ATXN10: variants seen among roughly 807,000 people sequenced by gnomAD.
ATXN10 encodes the protein ataxin 10.
ATXN10 carries 28 observed loss-of-function variants against 52.9 expected under a neutral mutation model. The ratio of observed to expected loss-of-function variants is 0.53; its 90% CI spans 0.39 to 0.73. The LOEUF (loss-of-function observed/expected upper bound fraction) is 0.73, where lower values mean the gene tolerates loss of function less well. ATXN10 is among the 30% of genes least tolerant of loss of function. The pLI, the probability that ATXN10 is intolerant of heterozygous loss-of-function variation, is 0.00. For missense variants in ATXN10, 565 were observed against 577.0 expected (o/e 0.98, Z 0.21); for synonymous variants, 226 against 221.5 (o/e 1.02, Z -0.18).
chr22:45,791,883 G>A lies in ATXN10; in HGVS notation c.1174-15076G>A, dbSNP rs375378508. On this transcript the variant is annotated intron_variant, in intron 9 of 11. Transcript: ENST00000252934. ...ATGTTCTGTTTCTTGAAAATTGGGT[G>A]GAACTCGCTTGAGAGCTATTTGCGT... is the stretch of plus-strand genomic sequence containing the variant. 7.2e-5 allele frequency among the ~76,000 whole-genome samples: 11 copies of A among 152,236 alleles called. No homozygotes were observed. In the South Asian group the frequency reaches 1.9e-3, roughly 26 times the overall value.
chr22:45,758,010 C>T (rs140071610), intron 9 of ATXN10, among the ~76,000 whole-genome samples: 83 of 152,322 alleles, frequency 5.4e-4, no homozygotes, highest in Admixed American at 3.9e-3. Flanking sequence ...AAATTTGATG[C>T]TTCCAAAGTA....
In ATXN10 at chr22:45,840,581, C is replaced by G. The variant is rs982365414; in HGVS notation, c.1238-2410C>G. 6.6e-6 allele frequency among the ~76,000 whole-genome samples: 1 copy of G among 152,178 alleles called. No homozygotes were observed. Among genetic ancestry groups the G allele is most frequent in the African/African-American group, 2.4e-5 (1 of 41,438 alleles). ...GTCAGAGGCTGAGAGATGAGGGCGC[C>G]TGGCAGGAGAGGTGGGTAGGGGCCG... is the stretch of plus-strand genomic sequence containing the variant. On this transcript the variant is annotated intron_variant, in intron 10 of 11. Transcript: ENST00000252934. This position sits in a 1 kb window ranked among gnomAD's most constrained non-coding sequence, Gnocchi z 5.8.
rs1047114327 is a variant in ATXN10, at chr22:45,689,839, A to G, written c.244A>G (p.Thr82Ala). ...ENLASSLQLI[T>A]ECFRCLRNAC... Reference sequence around the variant, plus strand: ...CCTGGCTTCCAGTCTGCAGTTAATAACAGAATGCTTCAGGTGTCTTCGCAA... The same window carrying G: ...CCTGGCTTCCAGTCTGCAGTTAATAGCAGAATGCTTCAGGTGTCTTCGCAA... The change falls in exon 2 of 12, where the codon ACA becomes GCA. Residue 82 changes from threonine (T) to alanine (A), a missense_variant. Thr to Ala is a moderately conservative substitution (Grantham distance 58, BLOSUM62 0). Coordinates refer to ENST00000252934, the MANE Select transcript of ATXN10 (RefSeq NM_013236.4). 15 of 1,614,108 alleles carry G rather than the reference A, an allele frequency of 9.3e-6. No homozygotes were observed. In the Admixed American group the frequency reaches 1.0e-4, roughly 11 times the overall value.
intron 9 of ATXN10, among the ~76,000 whole-genome samples, chr22:45,751,769 T>TAAA: frequency 9.5e-6 from 1 of 105,338 alleles, no homozygotes; most frequent in Non-Finnish European, 1.9e-5. Flanking sequence ...AAAAAAATAA[T>TAAA]AATAATAATA....
At position 45,712,067 on chromosome 22, in the gene ATXN10, G is replaced by C. The variant is rs1254961107; in HGVS notation, c.648-6346G>C. ...GAGAAGTTTGGGAATTAGAAACAAA[G>C]AGGTAATAACCAGATGGATGTTTTT... On this transcript the variant is annotated intron_variant, in intron 5 of 11. Transcript: ENST00000252934. The surrounding 1 kb of genome is among the most constrained non-coding windows in gnomAD (Gnocchi z 4.6). Among the ~76,000 whole-genome samples, 2 of 152,186 alleles carry C rather than the reference G, an allele frequency of 1.3e-5. No individual in the cohort carries two copies. Among genetic ancestry groups the C allele is most frequent in the African/African-American group, 2.4e-5 (1 of 41,448 alleles).
chr22:45,710,872 CT>C (rs1160121952), intron 5 of ATXN10, among the ~76,000 whole-genome samples: 14 of 152,110 alleles, frequency 9.2e-5, no homozygotes, highest in Non-Finnish European at 2.1e-4. Flanking sequence ...TTGAATAAGT[CT>C]GGTGATTGGT....
In ATXN10 at chr22:45,835,491, A is replaced by T. The variant is rs557363025; in HGVS notation, c.1238-7500A>T. ...TCCCTTTGCAATTTATGGAAAGTAC[A>T]TTGTGCCAAGCAAGGACAGTGAATG... On this transcript the variant is annotated intron_variant, in intron 10 of 11. Coordinates refer to ENST00000252934, the MANE Select transcript of ATXN10 (RefSeq NM_013236.4). The surrounding 1 kb of genome is among the most constrained non-coding windows in gnomAD (Gnocchi z 5.0). 6.6e-6 allele frequency among the ~76,000 whole-genome samples: 1 copy of T among 152,204 alleles called. No individual in the cohort carries two copies. The highest frequency in any genetic ancestry group is 2.1e-4 in the South Asian group (1 of 4,826).
chr22:45,787,105 G>A lies in ATXN10; in HGVS notation c.1174-19854G>A, dbSNP rs1305161769. Among the ~76,000 whole-genome samples the A allele has an allele frequency of 6.6e-6, 1 of 152,154 alleles. No homozygotes were observed. The highest frequency in any genetic ancestry group is 1.5e-5 in the Non-Finnish European group (1 of 68,034). Reference sequence around the variant, plus strand: ...ATTTTCAAATAATTTTTATTGTATGGAAAGATCTAAAATACTGTATATATA... The same window carrying A: ...ATTTTCAAATAATTTTTATTGTATGAAAAGATCTAAAATACTGTATATATA... On this transcript the variant is annotated intron_variant, in intron 9 of 11. Coordinates refer to ENST00000252934, the MANE Select transcript of ATXN10 (RefSeq NM_013236.4). This position sits in a 1 kb window ranked among gnomAD's most constrained non-coding sequence, Gnocchi z 4.2.
In ATXN10 at chr22:45,828,024, A is replaced by T. The variant is rs1339640730; in HGVS notation, c.1238-14967A>T. On this transcript the variant is annotated intron_variant, in intron 10 of 11. Coordinates refer to ENST00000252934, the MANE Select transcript of ATXN10 (RefSeq NM_013236.4). The surrounding 1 kb of genome is among the most constrained non-coding windows in gnomAD (Gnocchi z 4.5). ...TAAAAAACATACTGTTAACCAGTAG[A>T]TCAAAGAAGAAATCACAAGGGAAAT... is the stretch of plus-strand genomic sequence containing the variant. Among the ~76,000 whole-genome samples the T allele has an allele frequency of 6.6e-6, 1 of 152,202 alleles. No individual in the cohort carries two copies. The highest frequency in any genetic ancestry group is 6.5e-5 in the Admixed American group (1 of 15,280).
At chr22:45,817,517 G>A (rs1928505830) in intron 10 of ATXN10, among the ~76,000 whole-genome samples, 1 of 151,928 alleles carries the variant, frequency 6.6e-6, no homozygotes, top group Admixed American at 6.5e-5. Context: ...TAGAGACGGG[G>A]TTTCACCACG....
At position 45,738,555 on chromosome 22, in the gene ATXN10, G is replaced by A. The variant is rs377584939; in HGVS notation, c.895-176G>A. Reference sequence around the variant, plus strand: ...CTGCTGTTAGTGAAAATGATGAGTCGTGTACATATTTCATACTTCTGTTTT... The same window carrying A: ...CTGCTGTTAGTGAAAATGATGAGTCATGTACATATTTCATACTTCTGTTTT... On this transcript the variant is annotated intron_variant, in intron 7 of 11. Coordinates refer to ENST00000252934, the MANE Select transcript of ATXN10 (RefSeq NM_013236.4). The A allele has an allele frequency of 9.1e-5, 54 of 595,576 alleles. No homozygotes were observed. The East Asian group carries it at 1.2e-3, about 13-fold the overall frequency. 36.9% of individuals were successfully genotyped at this position (595,576 alleles called of 1,614,324 possible).
chr22:45,746,672 C>CT (rs34103900), intron 9 of ATXN10, among the ~76,000 whole-genome samples: 39,122 of 152,004 alleles, frequency 0.26, 5,338 homozygotes, highest in South Asian at 0.37. Context: ...AACCTTCATA[C>CT]TTTCCCTGAG....
In ATXN10 at chr22:45,828,467, CAG is replaced by C. The variant is rs1263139169; in HGVS notation, c.1238-14522_1238-14521del. On this transcript the variant is annotated intron_variant, in intron 10 of 11. Coordinates refer to ENST00000252934, the MANE Select transcript of ATXN10 (RefSeq NM_013236.4). This position sits in a 1 kb window ranked among gnomAD's most constrained non-coding sequence, Gnocchi z 4.5. Reference sequence around the variant, plus strand: ...AAAATAATAGAGAAAATTATGAAAACAGAAGTTGCTTTTTTAAAGATCAACAA... The same window carrying C: ...AAAATAATAGAGAAAATTATGAAAACAAGTTGCTTTTTTAAAGATCAACAA... Among the ~76,000 whole-genome samples the C allele has an allele frequency of 6.6e-6, 1 of 151,912 alleles. No homozygotes were observed. The highest frequency in any genetic ancestry group is 1.9e-4 in the East Asian group (1 of 5,172).
At position 45,780,951 on chromosome 22, in the gene ATXN10, G is replaced by GGCAA. The variant is rs1927128549; in HGVS notation, c.1174-26006_1174-26003dup. The stretch of plus-strand genomic sequence containing the variant: ...CCTTGAGACTCAGAAACGATAAGGT[G>GGCAA]GCAAGTTCCCTGGGTTTTCTCAGAC... On this transcript the variant is annotated intron_variant, in intron 9 of 11. Transcript: ENST00000252934. The surrounding 1 kb of genome is among the most constrained non-coding windows in gnomAD (Gnocchi z 4.0). Among the ~76,000 whole-genome samples, 1 of 152,154 alleles carries GGCAA rather than the reference G, an allele frequency of 6.6e-6. No individual in the cohort carries two copies. Among genetic ancestry groups the GGCAA allele is most frequent in the Admixed American group, 6.5e-5 (1 of 15,278 alleles).
rs531582507 is a variant in ATXN10 at position 45,769,775 on chromosome 22, T to C, written c.1173+29237T>C. On this transcript the variant is annotated intron_variant, in intron 9 of 11. Transcript: ENST00000252934. This position sits in a 1 kb window ranked among gnomAD's most constrained non-coding sequence, Gnocchi z 4.2. The stretch of plus-strand genomic sequence containing the variant: ...GCCTGACAAGATGTCTGCCAGGTGC[T>C]CAGAAAATATCTGATGAATGAATTT... 1.1e-4 allele frequency among the ~76,000 whole-genome samples: 16 copies of C among 152,236 alleles called. No homozygotes were observed. In the South Asian group the frequency reaches 3.3e-3, roughly 32 times the overall value.
chr22:45,778,746 G>A (rs529578758), intron 9 of ATXN10, among the ~76,000 whole-genome samples: 24 of 152,278 alleles, frequency 1.6e-4, no homozygotes, highest in African/African-American at 5.5e-4. Context: ...TGACAAGATT[G>A]TTCTTGGTAC....
intron 7 of ATXN10, among the ~76,000 whole-genome samples, chr22:45,731,925 C>A (rs1239456239): frequency 1.3e-5 from 2 of 152,096 alleles, no homozygotes; most frequent in African/African-American, 4.8e-5. Flanking sequence ...GCCTTTGTTT[C>A]CAGCAGGAGG....
At chr22:45,682,945 C>T (rs564653597) in intron 1 of ATXN10, among the ~76,000 whole-genome samples, 21 of 152,192 alleles carry the variant, frequency 1.4e-4, no homozygotes, top group Non-Finnish European at 2.8e-4. Flanking sequence ...GTCTCTTTCT[C>T]CCTTTAAGAT....
chr22:45,792,271 T>G (rs1170662964), intron 9 of ATXN10: 1 of 152,178 alleles, frequency 6.6e-6, no homozygotes, highest in African/African-American at 2.4e-5. Context: ...TAATTATATT[T>G]CACTAAATAA....
Sources: allele counts gnomAD v4.1 joint callset (sites outside exome capture counted in the v4.1 genomes callset), GRCh38; gene constraint gnomAD v4.1.1; non-coding constraint Gnocchi (gnomAD v3.1); transcripts MANE v1.5; gene names NCBI Gene and HGNC (gene_info 2026-07-23, HGNC 2026-07-21).